Variants in CCDC40 observed in about 807,000 individuals in gnomAD.
CCDC40 encodes the protein coiled-coil domain 40 molecular ruler complex subunit, also known as coiled-coil domain-containing protein 40.
Under a neutral mutation model 124.5 loss-of-function variants are expected in CCDC40, and 104 were observed. That is an observed-to-expected ratio of 0.84 (90% CI 0.71 to 0.98). CCDC40 has a LOEUF of 0.98. CCDC40 is among the 50% of genes least tolerant of loss of function. The probability of loss-of-function intolerance (pLI) is 0.00; values close to 1 mark genes in which losing one functional copy is unlikely to be tolerated. For synonymous variants in CCDC40, 580 were observed against 602.9 expected (o/e 0.96, Z 0.56); for missense variants, 1,463 against 1,503.9 (o/e 0.97, Z 0.45).
intron 17 of CCDC40, chr17:80,090,719 T>C (rs2038708873): frequency 7.1e-7 from 1 of 1,410,986 alleles, no homozygotes; most frequent in Non-Finnish European, 9.2e-7. Flanking sequence ...AGGCTGGTAA[T>C]TAAATTGCAA....
chr17:80,090,167 A>G lies in CCDC40; in HGVS notation c.2832+283A>G, dbSNP rs7210665. 121,040 of 999,408 alleles carry G rather than the reference A, an allele frequency of 0.12. 33,553 individuals are homozygous for G. The highest frequency in any genetic ancestry group is 0.14 in the Non-Finnish European group (98,224 of 705,630). 61.9% of individuals were successfully genotyped at this position (999,408 alleles called of 1,614,324 possible). ...TATTGCAGAACAACACAGGACGCAC[A>G]CAGGCACGTGCACGAACAACACGGG... is the stretch of plus-strand genomic sequence containing the variant. On this transcript the variant is annotated intron_variant, in intron 17 of 19. Transcript: ENST00000397545.
At position 80,066,408 on chromosome 17, in the gene CCDC40, TG is replaced by T. The variant is rs1327509211; in HGVS notation, c.1562+803del. 1 of 544,218 alleles carries T rather than the reference TG, an allele frequency of 1.8e-6. No homozygotes were observed. The highest frequency in any genetic ancestry group is 3.3e-6 in the Non-Finnish European group (1 of 306,298). 33.7% of individuals were successfully genotyped at this position (544,218 alleles called of 1,614,324 possible). A position where few individuals can be genotyped will look rare whatever the true frequency, so the allele number is the denominator to read the frequency against. Reference sequence around the variant, plus strand: ...TTAAAGAAACAAAATGAAACCATTTTGTTTTTAAAAGTTTTTAGACCAAAAC... The same window carrying T: ...TTAAAGAAACAAAATGAAACCATTTTTTTTTAAAAGTTTTTAGACCAAAAC... On this transcript the variant is annotated intron_variant, in intron 10 of 19. Transcript: ENST00000397545. The surrounding 1 kb of genome is among the most constrained non-coding windows in gnomAD (Gnocchi z 4.4).
At chr17:80,039,397 A>C (rs2037213930) in intron 2 of CCDC40, among the ~76,000 whole-genome samples, 1 of 150,138 alleles carries the variant, frequency 6.7e-6, no homozygotes, top group African/African-American at 2.5e-5. Context: ...AGAACAGATA[A>C]ACTGAAGCAT....
chr17:80,084,629 G>A (rs541464950), intron 12 of CCDC40, 114 bp from the exon 13 acceptor site: 43 of 1,301,880 alleles, frequency 3.3e-5, no homozygotes, highest in Middle Eastern at 2.2e-4. Flanking sequence ...GTGACTGTGC[G>A]TTTGGAATAT....
chr17:80,054,506 C>A (rs1230985315), intron 7 of CCDC40, among the ~76,000 whole-genome samples: 1 of 152,148 alleles, frequency 6.6e-6, no homozygotes, highest in Non-Finnish European at 1.5e-5. Flanking sequence ...TAGTGAAAGG[C>A]TGGCTGCAAA....
At chr17:80,045,856 C>T (rs1181948943) in intron 3 of CCDC40, among the ~76,000 whole-genome samples, 1 of 147,596 alleles carries the variant, frequency 6.8e-6, no homozygotes, top group Non-Finnish European at 1.5e-5. Context: ...AAAAAAAAAA[C>T]ACTTCTGCTA....
chr17:80,095,142 G>A lies in CCDC40; in HGVS notation c.2833-121G>A, dbSNP rs957999010. 14 of 931,128 alleles carry A rather than the reference G, an allele frequency of 1.5e-5. No individual in the cohort carries two copies. In the African/African-American group the frequency reaches 1.9e-4, roughly 13 times the overall value. The allele number at this position is 931,128 out of a possible 1,614,324, so 57.7% of individuals were successfully genotyped here. On this transcript the variant is annotated intron_variant, in intron 17 of 19. Coordinates refer to ENST00000397545, the MANE Select transcript of CCDC40 (RefSeq NM_017950.4). Reference sequence around the variant, plus strand: ...TCCTCCTGGCGGCACAGGCCTCACTGTTTCCCCGCCGATCCCCATGCGTGT... The same window carrying A: ...TCCTCCTGGCGGCACAGGCCTCACTATTTCCCCGCCGATCCCCATGCGTGT...
intron 7 of CCDC40, among the ~76,000 whole-genome samples, chr17:80,050,590 C>T (rs1198284334): frequency 6.6e-6 from 1 of 152,210 alleles, no homozygotes; most frequent in Non-Finnish European, 1.5e-5. Context: ...ATTACAGGCA[C>T]CTGCCACCAT....
rs115916105 is a variant in CCDC40 at position 80,087,947 on chromosome 17, C to T, written c.2620-64C>T. On this transcript the variant is annotated intron_variant, in intron 15 of 19. Coordinates refer to ENST00000397545, the MANE Select transcript of CCDC40 (RefSeq NM_017950.4). This position sits in a 1 kb window ranked among gnomAD's most constrained non-coding sequence, Gnocchi z 4.5. ...GCCCTCGGTGCCGGGATAGAGGGCA[C>T]CAGCCCCGGCATCCACAATCCCATG... 8.6e-5 allele frequency: 118 copies of T among 1,371,692 alleles called. No individual in the cohort carries two copies. In the African/African-American group the frequency reaches 1.2e-3, roughly 14 times the overall value. 85.0% of individuals were successfully genotyped at this position (1,371,692 alleles called of 1,614,324 possible). A position where few individuals can be genotyped will look rare whatever the true frequency, so the allele number is the denominator to read the frequency against.
In CCDC40 at chr17:80,086,715, A is replaced by C; in HGVS notation, c.2449+499A>C. 5.2e-6 allele frequency: 1 copy of C among 193,622 alleles called. No homozygotes were observed. 12.0% of individuals were successfully genotyped at this position (193,622 alleles called of 1,614,324 possible). On this transcript the variant is annotated intron_variant, in intron 14 of 19. Transcript: ENST00000397545. This position sits in a 1 kb window ranked among gnomAD's most constrained non-coding sequence, Gnocchi z 5.5. ...GGGCATCCTTCCTGGACCACTCTCC[A>C]CCCACATGTCCACCTGCCGAGACAT...
intron 10 of CCDC40, among the ~76,000 whole-genome samples, chr17:80,069,976 C>T (rs1258463477): frequency 6.6e-6 from 1 of 152,196 alleles, no homozygotes; most frequent in East Asian, 1.9e-4. Flanking sequence ...TGGAGCAAGA[C>T]ACTGAACGCA....
intron 7 of CCDC40, among the ~76,000 whole-genome samples, 159 bp downstream of exon 7, chr17:80,050,442 CT>C (rs1015524021): frequency 5.3e-5 from 8 of 152,092 alleles, no homozygotes; most frequent in African/African-American, 1.2e-4. Context: ...AATCAAATGT[CT>C]TTTTGTTGTT....
intron 9 of CCDC40, among the ~76,000 whole-genome samples, chr17:80,063,543 C>T (rs2037957462): frequency 6.6e-6 from 1 of 152,156 alleles, no homozygotes; most frequent in African/African-American, 2.4e-5. Context: ...AATTTGGGTC[C>T]CCACCTGCTG....
chr17:80,075,680 T>C lies in CCDC40; in HGVS notation c.1563-5866T>C, dbSNP rs1422045259. Among the ~76,000 whole-genome samples the C allele has an allele frequency of 7.9e-5, 12 of 152,040 alleles. No individual in the cohort carries two copies. In the South Asian group the frequency reaches 2.5e-3, roughly 31 times the overall value. ...TTTTAGTAGAGACGGGTTTTCACCA[T>C]GTTAGCTAGGCTGGTCTCGAACTCC... On this transcript the variant is annotated intron_variant, in intron 10 of 19. Coordinates refer to ENST00000397545, the MANE Select transcript of CCDC40 (RefSeq NM_017950.4).
chr17:80,069,022 G>A lies in CCDC40; in HGVS notation c.1562+3416G>A, dbSNP rs181018691. On this transcript the variant is annotated intron_variant, in intron 10 of 19. Coordinates refer to ENST00000397545, the MANE Select transcript of CCDC40 (RefSeq NM_017950.4). ...TCCACATGGGCGGGAGGTGTCCCGC[G>A]AGCAGCCCTCACCCTGACCTTGGCT... Among the ~76,000 whole-genome samples the A allele has an allele frequency of 4.2e-4, 64 of 152,244 alleles. 2 individuals are homozygous for A. The highest frequency in any genetic ancestry group is 3.7e-3 in the Admixed American group (57 of 15,304).
intron 7 of CCDC40, among the ~76,000 whole-genome samples, chr17:80,056,004 A>ATTTTTTTTTT (rs1262463030): frequency 3.6e-4 from 3 of 8,378 alleles, no homozygotes; most frequent in Middle Eastern, 0.12. Context: ...ATATATATAT[A>ATTTTTTTTTT]TATATATATA....
chr17:80,068,053 C>T lies in CCDC40; in HGVS notation c.1562+2447C>T, dbSNP rs550156705. 6.6e-6 allele frequency: 6 copies of T among 910,638 alleles called. No homozygotes were observed. In the East Asian group the frequency reaches 3.5e-4, roughly 54 times the overall value. 56.4% of individuals were successfully genotyped at this position (910,638 alleles called of 1,614,324 possible). ...ATTTATTATATTTTTGTGGTTCTTG[C>T]AATGGAGTCTCGCTCTGTCCCCCAG... On this transcript the variant is annotated intron_variant, in intron 10 of 19. Coordinates refer to ENST00000397545, the MANE Select transcript of CCDC40 (RefSeq NM_017950.4).
intron 19 of CCDC40, 25 bp from the exon 20 acceptor site, chr17:80,099,502 A>G (rs2038874719): frequency 1.2e-6 from 2 of 1,601,776 alleles, no homozygotes; most frequent in Admixed American, 1.7e-5. Context: ...GCATAGCCCT[A>G]TATGGAGTCT....
At chr17:80,038,085 T>C (rs1352372343) in intron 1 of CCDC40, 38 bp from the exon 2 acceptor site, 1 of 1,422,878 alleles carries the variant, frequency 7.0e-7, no homozygotes, top group South Asian at 1.2e-5. Context: ...AAAAGAAAGC[T>C]GTTGCTTGAA....
Sources: gnomAD v4.1 joint callset for allele counts (sites outside exome capture counted in the v4.1 genomes callset) on GRCh38, gnomAD v4.1.1 for gene constraint, Gnocchi (gnomAD v3.1) non-coding constraint, MANE v1.5 for transcripts, NCBI Gene and HGNC (gene_info 2026-07-23, HGNC 2026-07-21) for gene names.